GGA1: variants seen among roughly 807,000 people sequenced by gnomAD.
The protein encoded by GGA1 is ADP-ribosylation factor-binding protein GGA1.
In GGA1, 18 loss-of-function variants were observed where a neutral mutation model predicts 76.9. The observed-to-expected ratio is 0.23, with a 90% CI of 0.16 to 0.35. The LOEUF (loss-of-function observed/expected upper bound fraction) is 0.35. Among genes scored for constraint, GGA1 ranks in the 10% least tolerant of loss-of-function variants. The probability of loss-of-function intolerance (pLI) is 1.00; values close to 1 mark genes in which losing one functional copy is unlikely to be tolerated. For missense variants in GGA1, 755 were observed against 859.0 expected (o/e 0.88, Z 1.51); for synonymous variants, 342 against 354.7 (o/e 0.96, Z 0.40).
rs963723211 is a variant in GGA1 at position 37,623,215 on chromosome 22, A to T, written c.610-112A>T. ...GGAGCCCCACCCAGAGTGTGATCCC[A>T]CAGTCACCCAGCTGTCAACCCAGAT... On this transcript the variant is annotated intron_variant, in intron 7 of 16. Transcript: ENST00000343632. This position sits in a 1 kb window ranked among gnomAD's most constrained non-coding sequence, Gnocchi z 4.6. 5 of 1,048,118 alleles carry T rather than the reference A, an allele frequency of 4.8e-6. No homozygotes were observed. In the African/African-American group the frequency reaches 6.2e-5, roughly 13 times the overall value. The allele number at this position is 1,048,118 out of a possible 1,614,324, so 64.9% of individuals were successfully genotyped here.
Position 37,625,255 on chromosome 22 carries a change from T to C in GGA1, c.940+179T>C, listed in dbSNP as rs1455873914. Reference sequence around the variant, plus strand: ...GTGAAGTCTGTGCCAAGCCTGCAGCTGTGGGGGAAGAAGTCTGGTGGGGGA... The same window carrying C: ...GTGAAGTCTGTGCCAAGCCTGCAGCCGTGGGGGAAGAAGTCTGGTGGGGGA... On this transcript the variant is annotated intron_variant, in intron 10 of 16. Coordinates refer to ENST00000343632, the MANE Select transcript of GGA1 (RefSeq NM_013365.5). This position sits in a 1 kb window ranked among gnomAD's most constrained non-coding sequence, Gnocchi z 4.1. Among the ~76,000 whole-genome samples the C allele has an allele frequency of 6.6e-6, 1 of 151,914 alleles. No individual in the cohort carries two copies. Among genetic ancestry groups the C allele is most frequent in the Non-Finnish European group, 1.5e-5 (1 of 67,978 alleles).
rs1366414064 is a variant in GGA1, at chr22:37,614,196, C to A, written c.50C>A (p.Ala17Asp). 1 of 1,611,638 alleles carries A rather than the reference C, an allele frequency of 6.2e-7. No homozygotes were observed. Among genetic ancestry groups the A allele is most frequent in the Non-Finnish European group, 8.5e-7 (1 of 1,177,960 alleles). The change falls in exon 2 of 17, where the codon GCC becomes GAC. Residue 17 changes from alanine to aspartate, a missense_variant. Physicochemically the swap from Ala to Asp is moderately radical, Grantham distance 126. Transcript: ENST00000343632. ...CCCAGCTCTCCTCTTCCAGATAGAG[C>A]CACGAACCCCCTGAACAAGGAGCTC... Reference protein sequence around the residue: ...PETLEARINRATNPLNKELDW... With the variant: ...PETLEARINRDTNPLNKELDW...
At chr22:37,613,890 AGAG>A (rs928028465) in intron 1 of GGA1, 4 of 375,500 alleles carry the variant, frequency 1.1e-5, no homozygotes, top group Non-Finnish European at 2.0e-5. Flanking sequence ...CAGCAGAATC[AGAG>A]GAGGTGGGGC....
chr22:37,614,935 C>T (rs943070481), intron 2 of GGA1, among the ~76,000 whole-genome samples: 3 of 151,738 alleles, frequency 2.0e-5, no homozygotes, highest in South Asian at 2.1e-4. Context: ...GCCGAGATTG[C>T]GCCACTGCCC....
At chr22:37,617,253 C>T in intron 3 of GGA1, 15 of 1,361,300 alleles carry the variant, frequency 1.1e-5, no homozygotes, top group Non-Finnish European at 1.4e-5. Context: ...GGGTTCTTTG[C>T]TTCAGCTGCA....
Position 37,620,695 on chromosome 22 carries a change from G to T in GGA1, c.428-118G>T, listed in dbSNP as rs551204181. ...GCCACTAAGAGTCCAGAGCCAGCGT[G>T]CTGGCAAAAGACTGACCTCCCTCTT... On this transcript the variant is annotated intron_variant, in intron 5 of 16. Coordinates refer to ENST00000343632, the MANE Select transcript of GGA1 (RefSeq NM_013365.5). 5.8e-5 allele frequency: 43 copies of T among 738,546 alleles called. No homozygotes were observed. In the African/African-American group the frequency reaches 6.2e-4, roughly 11 times the overall value. The allele number at this position is 738,546 out of a possible 1,614,324, so 45.7% of individuals were successfully genotyped here.
At chr22:37,614,413 T>C (rs1276481005) in intron 2 of GGA1, 139 bp downstream of exon 2, 4 of 649,180 alleles carry the variant, frequency 6.2e-6, no homozygotes, top group Admixed American at 4.5e-5. Flanking sequence ...CACTTGGCAC[T>C]GAATGCTGTT....
intron 2 of GGA1, among the ~76,000 whole-genome samples, chr22:37,614,587 G>T (rs556914810): frequency 6.6e-6 from 1 of 152,348 alleles, no homozygotes; most frequent in South Asian, 2.1e-4. Flanking sequence ...GCTTTGTGGG[G>T]AAAGGCCCCC....
rs972966386 is a variant in GGA1 at position 37,624,738 on chromosome 22, G to A, written c.833-231G>A. The stretch of plus-strand genomic sequence containing the variant: ...AGGCCTGGAGGCGGGAGCGGGCCCA[G>A]TGTGTTGAGACAGCCCAGGCAGTAT... On this transcript the variant is annotated intron_variant, in intron 9 of 16. Coordinates refer to ENST00000343632, the MANE Select transcript of GGA1 (RefSeq NM_013365.5). The surrounding 1 kb of genome is among the most constrained non-coding windows in gnomAD (Gnocchi z 4.3). 53 of 511,294 alleles carry A rather than the reference G, an allele frequency of 1.0e-4. 2 individuals carry two copies. The South Asian group carries it at 1.1e-3, about 10-fold the overall frequency. The allele number at this position is 511,294 out of a possible 1,614,324, so 31.7% of individuals were successfully genotyped here.
At chr22:37,608,996 C>T in intron 1 of GGA1, 93 bp downstream of exon 1, 4 of 1,354,282 alleles carry the variant, frequency 3.0e-6, no homozygotes, top group Non-Finnish European at 2.8e-6. Context: ...ACGGGTCGCC[C>T]CCTCCTCACG....
Position 37,632,141 on chromosome 22 carries a change from C to T in GGA1, c.1674C>T (p.Ile558=), listed in dbSNP as rs747592048. The T allele has an allele frequency of 1.2e-5, 20 of 1,613,110 alleles. No individual in the cohort carries two copies. Among genetic ancestry groups the T allele is most frequent in the Admixed American group, 1.0e-4 (6 of 59,980 alleles). The change falls in exon 15 of 17, where the codon ATC becomes ATT. Residue 558 remains isoleucine, a synonymous_variant. Coordinates refer to ENST00000343632, the MANE Select transcript of GGA1 (RefSeq NM_013365.5). This position sits in a 1 kb window ranked among gnomAD's most constrained non-coding sequence, Gnocchi z 5.1. ...CCGCCCCCCAGCCCATCCGCAACAT[C>T]GTGTTCCAGTCAGCTGTCCCCAAGG... ...LSTAPQPIRN[I]VFQSAVPKVM...
At chr22:37,612,223 G>T (rs1463273014) in intron 1 of GGA1, among the ~76,000 whole-genome samples, 1 of 151,908 alleles carries the variant, frequency 6.6e-6, no homozygotes, top group African/African-American at 2.4e-5. Flanking sequence ...CCAGTACTTT[G>T]GGAGGCCGAG....
Position 37,618,576 on chromosome 22 carries a change from G to A in GGA1, c.303+30G>A, listed in dbSNP as rs535071656. Reference sequence around the variant, plus strand: ...GTGCCCCCAGCCCAAGCTCAGACCTGCCCTGTCGGATGTGGGGAGAGGAAA... The same window carrying A: ...GTGCCCCCAGCCCAAGCTCAGACCTACCCTGTCGGATGTGGGGAGAGGAAA... On this transcript the variant is annotated intron_variant, in intron 4 of 16. Transcript: ENST00000343632. The A allele has an allele frequency of 1.7e-5, 23 of 1,359,396 alleles. No homozygotes were observed. In the South Asian group the frequency reaches 2.6e-4, roughly 15 times the overall value. The allele number at this position is 1,359,396 out of a possible 1,614,324, so 84.2% of individuals were successfully genotyped here.
chr22:37,619,672 G>A lies in GGA1; in HGVS notation c.304-566G>A, dbSNP rs193171623. On this transcript the variant is annotated intron_variant, in intron 4 of 16. Transcript: ENST00000343632. ...ATTACAGGCGTGAGCCATGGCCTCC[G>A]GCCTACTGTGAACATTTCTTAAGCT... The A allele has an allele frequency of 3.5e-3, 2,192 of 628,014 alleles. 33 individuals are homozygous for A. Among genetic ancestry groups the A allele is most frequent in the Non-Finnish European group, 7.9e-4 (271 of 341,380 alleles). The allele number at this position is 628,014 out of a possible 1,614,324, so 38.9% of individuals were successfully genotyped here.
At chr22:37,609,211 C>G in intron 1 of GGA1, 2 of 1,275,524 alleles carry the variant, frequency 1.6e-6, no homozygotes, top group African/African-American at 1.6e-5. Context: ...CCCCAAGGCT[C>G]ACATTGCTTC....
In GGA1 at chr22:37,625,685, G is replaced by A. The variant is rs1232454334; in HGVS notation, c.941-112G>A. ...TGGTGTGGCCAAGGAAGGGGAGGCAGGAGACCAGTGGTAAAGCATCGGGGG... is the reference window on the plus strand; with the variant it reads ...TGGTGTGGCCAAGGAAGGGGAGGCAAGAGACCAGTGGTAAAGCATCGGGGG... On this transcript the variant is annotated intron_variant, in intron 10 of 16. Coordinates refer to ENST00000343632, the MANE Select transcript of GGA1 (RefSeq NM_013365.5). This position sits in a 1 kb window ranked among gnomAD's most constrained non-coding sequence, Gnocchi z 4.1. The A allele has an allele frequency of 2.6e-6, 2 of 769,254 alleles. No homozygotes were observed. Among genetic ancestry groups the A allele is most frequent in the Non-Finnish European group, 4.0e-6 (2 of 501,750 alleles). The allele number at this position is 769,254 out of a possible 1,614,324, so 47.7% of individuals were successfully genotyped here. A position where few individuals can be genotyped will look rare whatever the true frequency, so the allele number is the denominator to read the frequency against.
chr22:37,617,379 T>A (rs1239535808), intron 3 of GGA1: 4 of 1,106,128 alleles, frequency 3.6e-6, no homozygotes, highest in Non-Finnish European at 4.4e-6. Flanking sequence ...TTTGTAAAGC[T>A]AAGGGGTGGT....
In GGA1 at chr22:37,616,991, C is replaced by A; in HGVS notation, c.198C>A (p.Ala66=). 6.2e-7 allele frequency: 1 copy of A among 1,605,436 alleles called. No individual in the cohort carries two copies. The highest frequency in any genetic ancestry group is 2.3e-5 in the East Asian group (1 of 44,416). Residue 66 remains alanine (A), a synonymous_variant, in exon 3 of 17, where the codon GCC becomes GCA. Coordinates refer to ENST00000343632, the MANE Select transcript of GGA1 (RefSeq NM_013365.5). ...QSPQEWEAIQ[A]LTVLETCMKS... The stretch of plus-strand genomic sequence containing the variant: ...CACAGGAGTGGGAGGCGATCCAGGC[C>A]TTGACGGTGAGAAGGGGAGAGGCCA...
intron 1 of GGA1, chr22:37,609,412 A>G (rs572243093): frequency 6.2e-6 from 5 of 802,468 alleles, no homozygotes; most frequent in Non-Finnish European, 7.9e-6. Context: ...CCACTGCCCC[A>G]TTTGATTCCT....
Sources: gnomAD v4.1 joint callset for allele counts (sites outside exome capture counted in the v4.1 genomes callset) on GRCh38, gnomAD v4.1.1 for gene constraint, Gnocchi (gnomAD v3.1) non-coding constraint, MANE v1.5 for transcripts, NCBI Gene and HGNC (gene_info 2026-07-23, HGNC 2026-07-21) for gene names.